Variants in SIPA1L3 observed in about 807,000 individuals in gnomAD.
SIPA1L3 encodes the protein signal-induced proliferation-associated 1-like protein 3.
In SIPA1L3, 59 loss-of-function variants were observed where a neutral mutation model predicts 150.1. The observed-to-expected ratio is 0.39, with a 90% CI of 0.32 to 0.49. The LOEUF (loss-of-function observed/expected upper bound fraction) is 0.49. Among genes scored for constraint, SIPA1L3 ranks in the 20% least tolerant of loss-of-function variants. The probability of loss-of-function intolerance (pLI) is 0.86; values close to 1 mark genes in which losing one functional copy is unlikely to be tolerated. For synonymous variants in SIPA1L3, 1,070 were observed against 1,077.6 expected (o/e 0.99, Z 0.14); for missense variants, 2,211 against 2,489.5 (o/e 0.89, Z 2.38).
intron 8 of SIPA1L3, among the ~76,000 whole-genome samples, chr19:38,116,991 G>A (rs1483820010): frequency 6.6e-6 from 1 of 152,178 alleles, no homozygotes; most frequent in Non-Finnish European, 1.5e-5. Context: ...ATTTAATTTG[G>A]TCATCAGAGC....
At chr19:38,080,739 G>A (rs1430410728) in intron 2 of SIPA1L3, among the ~76,000 whole-genome samples, 1 of 151,946 alleles carries the variant, frequency 6.6e-6, no homozygotes. Context: ...AGGCTGAGGC[G>A]GGCGGGGATT....
chr19:37,949,252 T>G (rs1304581651), intron 1 of SIPA1L3, among the ~76,000 whole-genome samples: 1 of 152,210 alleles, frequency 6.6e-6, no homozygotes, highest in Admixed American at 6.5e-5. Flanking sequence ...CATTGCTCCT[T>G]CTTTTATGGG....
In SIPA1L3 at chr19:38,123,590, C is replaced by T. The variant is rs541287918; in HGVS notation, c.2868+3708C>T. On this transcript the variant is annotated intron_variant, in intron 9 of 21. Coordinates refer to ENST00000222345, the MANE Select transcript of SIPA1L3 (RefSeq NM_015073.3). ...GAGCACAGGGTTGGGGGTAAGGTCACAGATCAACAGGATCCCAAGGCCGAA... is the reference window on the plus strand; with the variant it reads ...GAGCACAGGGTTGGGGGTAAGGTCATAGATCAACAGGATCCCAAGGCCGAA... Among the ~76,000 whole-genome samples the T allele has an allele frequency of 1.8e-3, 268 of 150,264 alleles. 1 individual carries two copies. Among genetic ancestry groups the T allele is most frequent in the African/African-American group, 6.3e-3 (254 of 40,460 alleles).
intron 4 of SIPA1L3, among the ~76,000 whole-genome samples, chr19:38,091,446 G>A (rs1372120960): frequency 6.6e-6 from 1 of 152,072 alleles, no homozygotes. Flanking sequence ...TATTATTACT[G>A]CAAATCTCCT....
rs144192559 is a variant in SIPA1L3 at position 37,927,175 on chromosome 19, G to A, written c.-379+19817G>A. 7.3e-3 allele frequency among the ~76,000 whole-genome samples: 938 copies of A among 127,730 alleles called. 32 individuals are homozygous for A. Among genetic ancestry groups the A allele is most frequent in the East Asian group, 0.072 (326 of 4,502 alleles). The allele number at this position is 127,730 out of a possible 152,430, so 83.8% of individuals were successfully genotyped here. On this transcript the variant is annotated intron_variant, in intron 1 of 21. Coordinates refer to ENST00000222345, the MANE Select transcript of SIPA1L3 (RefSeq NM_015073.3). ...TTTTTTTTTTTTGAGATGGAGTCTC[G>A]CTCTGTCACCCAGGGTGGAGTGTAG...
chr19:38,015,136 G>A (rs895465960), intron 1 of SIPA1L3, among the ~76,000 whole-genome samples: 1 of 152,128 alleles, frequency 6.6e-6, no homozygotes, highest in Non-Finnish European at 1.5e-5. Flanking sequence ...TTAAATGCAA[G>A]TATCAGATCA....
At chr19:37,985,645 C>G (rs1250261506) in intron 1 of SIPA1L3, among the ~76,000 whole-genome samples, 1 of 152,200 alleles carries the variant, frequency 6.6e-6, no homozygotes, top group Non-Finnish European at 1.5e-5. Context: ...GCCAGTCATG[C>G]ACACAGGTGG....
At chr19:38,065,074 A>G (rs1440538145) in intron 2 of SIPA1L3, among the ~76,000 whole-genome samples, 1 of 152,244 alleles carries the variant, frequency 6.6e-6, no homozygotes, top group East Asian at 1.9e-4. Flanking sequence ...TGAACATTTA[A>G]CCTATAAATA....
intron 2 of SIPA1L3, among the ~76,000 whole-genome samples, chr19:38,069,493 C>T (rs868644230): frequency 6.6e-6 from 1 of 152,040 alleles, no homozygotes; most frequent in Non-Finnish European, 1.5e-5. Context: ...TCTCCGAGCT[C>T]GGAGGCAGAC....
chr19:38,134,412 A>G (rs1246875793), intron 10 of SIPA1L3, among the ~76,000 whole-genome samples: 3 of 148,608 alleles, frequency 2.0e-5, no homozygotes, highest in Non-Finnish European at 4.5e-5. Context: ...TCAAAAAAAA[A>G]AAAAAAAAAA....
At chr19:37,938,988 G>T (rs1481940336) in intron 1 of SIPA1L3, among the ~76,000 whole-genome samples, 1 of 152,088 alleles carries the variant, frequency 6.6e-6, no homozygotes. Flanking sequence ...TAATCCTGGG[G>T]TGGCAGCCTA....
intron 1 of SIPA1L3, among the ~76,000 whole-genome samples, chr19:37,989,971 G>C (rs988520826): frequency 2.0e-5 from 3 of 152,120 alleles, no homozygotes; most frequent in African/African-American, 7.2e-5. Context: ...AGAGGATTTG[G>C]GGTTCCCTGC....
chr19:37,949,991 C>T (rs762261724), intron 1 of SIPA1L3, among the ~76,000 whole-genome samples: 2 of 149,096 alleles, frequency 1.3e-5, no homozygotes, highest in African/African-American at 2.5e-5. Context: ...GCAGGAGAAT[C>T]GCTTGAACCC....
chr19:37,913,127 T>C (rs2046389703), intron 1 of SIPA1L3, among the ~76,000 whole-genome samples: 1 of 152,140 alleles, frequency 6.6e-6, no homozygotes. Context: ...TTTTTCTTCA[T>C]TGGCAAAATG....
At chr19:37,978,913 C>T (rs1967135566) in intron 1 of SIPA1L3, among the ~76,000 whole-genome samples, 1 of 152,032 alleles carries the variant, frequency 6.6e-6, no homozygotes, top group African/African-American at 2.4e-5. Flanking sequence ...GAGGTTGAGG[C>T]TGCAGTGAGC....
chr19:38,058,177 G>A (rs1156549552), intron 2 of SIPA1L3, among the ~76,000 whole-genome samples: 1 of 152,160 alleles, frequency 6.6e-6, no homozygotes, highest in Non-Finnish European at 1.5e-5. Flanking sequence ...TGCAGTCCCG[G>A]AGCAGGATGT....
chr19:38,074,251 C>T (rs191652981), intron 2 of SIPA1L3, among the ~76,000 whole-genome samples: 53 of 152,308 alleles, frequency 3.5e-4, no homozygotes, highest in Middle Eastern at 3.4e-3. Context: ...TTCAGAGAGA[C>T]GAAGGCCTGC....
At chr19:37,973,578 G>T in intron 1 of SIPA1L3, among the ~76,000 whole-genome samples, 1 of 128,002 alleles carries the variant, frequency 7.8e-6, no homozygotes, top group Non-Finnish European at 1.6e-5. Flanking sequence ...GCATCTTGAA[G>T]CACTAAAACG....
At chr19:37,992,937 G>A (rs34098928) in intron 1 of SIPA1L3, among the ~76,000 whole-genome samples, 4,341 of 152,292 alleles carry the variant, frequency 0.029, 90 homozygotes, top group Non-Finnish European at 0.047. Flanking sequence ...GTGAGTGCGG[G>A]AAGTCAGCAG....
Sources: allele counts gnomAD v4.1 joint callset (sites outside exome capture counted in the v4.1 genomes callset), GRCh38; gene constraint gnomAD v4.1.1; transcripts MANE v1.5; gene names NCBI Gene and HGNC (gene_info 2026-07-23, HGNC 2026-07-21).